PARN: variants seen among roughly 807,000 people sequenced by gnomAD.
PARN encodes poly(A)-specific ribonuclease, also known as poly(A)-specific ribonuclease PARN.
In PARN, 71 loss-of-function variants were observed where a neutral mutation model predicts 102.8. The ratio of observed to expected loss-of-function variants is 0.69; its 90% CI spans 0.57 to 0.84. The LOEUF (loss-of-function observed/expected upper bound fraction) is 0.84, where lower values mean the gene tolerates loss of function less well. PARN is among the 40% of genes least tolerant of loss of function. PARN has a pLI of 0.00. For synonymous variants in PARN, 261 were observed against 252.9 expected, an observed-to-expected ratio of 1.03 and a Z score of -0.30; for missense variants, 782 against 760.9, an observed-to-expected ratio of 1.03 and a Z score of -0.33.
intron 22 of PARN, among the ~76,000 whole-genome samples, chr16:14,448,849 G>A (rs559245763): frequency 6.6e-6 from 1 of 152,288 alleles, no homozygotes; most frequent in South Asian, 2.1e-4. Flanking sequence ...TTCTATTATA[G>A]ACAGCTTTCT....
At chr16:14,580,849 A>C (rs772498924) in intron 18 of PARN, 25 bp downstream of exon 18, 2 of 1,453,176 alleles carry the variant, frequency 1.4e-6, no homozygotes, top group Non-Finnish European at 1.9e-6. Flanking sequence ...GAGAACTTGG[A>C]AACTGGAACT....
intron 23 of PARN, 142 bp from the exon 24 acceptor site, chr16:14,436,914 G>T: frequency 1.5e-6 from 1 of 655,596 alleles, no homozygotes; most frequent in South Asian, 1.8e-5. Flanking sequence ...GCGCTGGAAA[G>T]AGTCCACAGA....
At chr16:14,613,929 G>C (rs928531700) in intron 6 of PARN, among the ~76,000 whole-genome samples, 1 of 152,118 alleles carries the variant, frequency 6.6e-6, no homozygotes, top group African/African-American at 2.4e-5. Context: ...TGAATCAGAA[G>C]CATGAGTAGT....
At chr16:14,526,007 G>A (rs1306023419) in intron 21 of PARN, among the ~76,000 whole-genome samples, 1 of 151,670 alleles carries the variant, frequency 6.6e-6, no homozygotes, top group East Asian at 1.9e-4. Flanking sequence ...TTTTAGAGGC[G>A]GGGTTTCACC....
intron 17 of PARN, 60 bp downstream of exon 17, chr16:14,582,121 A>G: frequency 1.0e-6 from 1 of 984,574 alleles, no homozygotes; most frequent in Non-Finnish European, 1.6e-6. Context: ...CTAAGCCAGG[A>G]GACAGGTAAG....
intron 16 of PARN, among the ~76,000 whole-genome samples, 167 bp downstream of exon 16, chr16:14,584,180 C>G (rs1021488422): frequency 1.3e-5 from 2 of 152,066 alleles, no homozygotes; most frequent in African/African-American, 4.8e-5. Context: ...ATTAAAAGAC[C>G]ATCTTTATTC....
At chr16:14,483,826 T>C (rs764975108) in intron 21 of PARN, among the ~76,000 whole-genome samples, 1 of 152,188 alleles carries the variant, frequency 6.6e-6, no homozygotes, top group Non-Finnish European at 1.5e-5. Flanking sequence ...GGAATTACAC[T>C]ACATATGCAT....
chr16:14,607,803 T>C (rs186092521), intron 9 of PARN, among the ~76,000 whole-genome samples: 31 of 152,312 alleles, frequency 2.0e-4, no homozygotes, highest in African/African-American at 7.2e-4. Flanking sequence ...CAATGTTCAA[T>C]TTCTGAGTTG....
At chr16:14,580,053 A>G (rs974051874) in intron 18 of PARN, among the ~76,000 whole-genome samples, 1 of 152,020 alleles carries the variant, frequency 6.6e-6, no homozygotes, top group Non-Finnish European at 1.5e-5. Context: ...CAAAGGCTAC[A>G]TTTCCAAAGA....
chr16:14,577,053 T>C (rs369209776), intron 18 of PARN, among the ~76,000 whole-genome samples: 5 of 152,372 alleles, frequency 3.3e-5, no homozygotes, highest in African/African-American at 9.6e-5. Flanking sequence ...CTTCGAGGTT[T>C]ACTTTTTAAA....
At chr16:14,572,168 T>C (rs2151735893) in intron 18 of PARN, among the ~76,000 whole-genome samples, 1 of 152,302 alleles carries the variant, frequency 6.6e-6, no homozygotes, top group East Asian at 1.9e-4. Flanking sequence ...AGGGCTTCCC[T>C]GCAGGTGATC....
intron 22 of PARN, among the ~76,000 whole-genome samples, chr16:14,480,929 A>G (rs558710889): frequency 6.7e-6 from 1 of 150,222 alleles, no homozygotes; most frequent in South Asian, 2.2e-4. Context: ...AAAGAGCAAG[A>G]CCTGCCTCAA....
intron 18 of PARN, among the ~76,000 whole-genome samples, chr16:14,579,922 G>C (rs1194509794): frequency 2.0e-5 from 3 of 151,636 alleles, no homozygotes; most frequent in Non-Finnish European, 4.4e-5. Flanking sequence ...ATTGCCGTGA[G>C]CTGAGATTGT....
intron 7 of PARN, among the ~76,000 whole-genome samples, chr16:14,609,833 A>G (rs1971414425): frequency 6.6e-6 from 1 of 151,996 alleles, no homozygotes; most frequent in South Asian, 2.1e-4. Flanking sequence ...AGCCTGATCC[A>G]CTCCTCTGCC....
intron 21 of PARN, among the ~76,000 whole-genome samples, chr16:14,547,607 G>T (rs1760822882): frequency 6.6e-6 from 1 of 152,128 alleles, no homozygotes; most frequent in African/African-American, 2.4e-5. Flanking sequence ...CTACTCAAGA[G>T]GCTGAGGCAA....
intron 12 of PARN, among the ~76,000 whole-genome samples, chr16:14,596,838 G>C (rs1378515656): frequency 6.7e-6 from 1 of 148,950 alleles, no homozygotes; most frequent in Non-Finnish European, 1.5e-5. Flanking sequence ...CCAGGCTACA[G>C]TGCAATGGTG....
chr16:14,585,976 G>A (rs72787694), intron 14 of PARN, among the ~76,000 whole-genome samples: 23,871 of 146,158 alleles, frequency 0.16, 2,594 homozygotes, highest in Middle Eastern at 0.29. Context: ...ATGTCACAAT[G>A]ACTCTTTTTT....
At chr16:14,576,601 A>AT (rs562102794) in intron 18 of PARN, among the ~76,000 whole-genome samples, 76 of 152,350 alleles carry the variant, frequency 5.0e-4, no homozygotes, top group African/African-American at 1.8e-3. Context: ...GGATCTTAAC[A>AT]TTAAGTTTGG....
chr16:14,489,437 CAAAAAA>C (rs770783306), intron 21 of PARN, among the ~76,000 whole-genome samples: 1 of 59,468 alleles, frequency 1.7e-5, no homozygotes, highest in Admixed American at 1.6e-4. Context: ...GAGAGAGACT[CAAAAAA>C]AAAAAAAAAA....
Sources: allele counts gnomAD v4.1 joint callset (sites outside exome capture counted in the v4.1 genomes callset), GRCh38; gene constraint gnomAD v4.1.1; transcripts MANE v1.5; gene names NCBI Gene and HGNC (gene_info 2026-07-23, HGNC 2026-07-21).